The following NVL variants were observed in gnomAD, a reference collection of about 807,000 sequenced individuals.
NVL encodes nuclear VCP like, also known as nuclear valosin-containing protein-like.
A neutral mutation model predicts 110.2 loss-of-function variants in NVL; 84 were observed. The observed-to-expected ratio is 0.76, with a 90% CI of 0.64 to 0.91. NVL has a LOEUF of 0.91. NVL is among the 40% of genes least tolerant of loss of function. The pLI, the probability that NVL is intolerant of heterozygous loss-of-function variation, is 0.00. For missense variants in NVL, 882 were observed against 1,035.9 expected, an observed-to-expected ratio of 0.85 and a Z score of 2.04; for synonymous variants, 354 against 361.1, an observed-to-expected ratio of 0.98 and a Z score of 0.22.
chr1:224,307,958 T>C, intron 6 of NVL, 33 bp downstream of exon 6: 1 of 1,508,668 alleles, frequency 6.6e-7, no homozygotes, highest in Non-Finnish European at 8.8e-7. Flanking sequence ...TGTACTTCGA[T>C]GATATGGGGC....
intron 17 of NVL, among the ~76,000 whole-genome samples, chr1:224,273,046 AAAAAACAAACAAAC>A (rs1571906825): frequency 7.2e-6 from 1 of 138,794 alleles, no homozygotes; most frequent in South Asian, 2.2e-4. Flanking sequence ...AAAAAAACAA[AAAAAACAAACAAAC>A]AAAAAAAAAC....
rs1212215529 is a variant in NVL at position 224,289,687 on chromosome 1, C to A, written c.1372G>T (p.Asp458Tyr). The A allele has an allele frequency of 2.5e-6, 4 of 1,614,042 alleles. No homozygotes were observed. In the African/African-American group the frequency reaches 4.0e-5, roughly 16 times the overall value. The change falls in exon 13 of 23, where the codon GAT becomes TAT. Residue 458 changes from aspartate (D) to tyrosine (Y), a missense_variant. By Grantham distance (160) the Asp-to-Tyr change is radical. Around this residue, in one of 4 missense-constraint regions of NVL, gnomAD observed 416 missense variants for 499.3 expected, o/e 0.83. Coordinates refer to ENST00000281701, the MANE Select transcript of NVL (RefSeq NM_002533.4). ...CRKLRLPQAF[D>Y]FCHLAHLTPG... ...GTTAGGTGTGCTAAGTGACAGAAAT[C>A]AAAAGCTTGAGGAAGCCTCAGTTTT...
At position 224,255,392 on chromosome 1, in the gene NVL, C is replaced by T. The variant is rs139732182; in HGVS notation, c.2183-5074G>A. 2.7e-3 allele frequency among the ~76,000 whole-genome samples: 407 copies of T among 151,758 alleles called. 10 individuals are homozygous for T. Among genetic ancestry groups the T allele is most frequent in the Admixed American group, 0.021 (322 of 15,210 alleles). On this transcript the variant is annotated intron_variant, in intron 18 of 22. Coordinates refer to ENST00000281701, the MANE Select transcript of NVL (RefSeq NM_002533.4). ...TATTTTTAGTAGAGACGGAGTTTCA[C>T]CATGTTAGCCAGGTTGGTCTCGATC...
intron 10 of NVL, among the ~76,000 whole-genome samples, chr1:224,297,035 G>A (rs184369379): frequency 5.9e-5 from 9 of 152,012 alleles, no homozygotes; most frequent in Admixed American, 2.0e-4. Flanking sequence ...ACGTTATGAG[G>A]GTTTCTACTA....
chr1:224,322,879 G>A (rs1422370846), intron 2 of NVL, among the ~76,000 whole-genome samples: 1 of 152,068 alleles, frequency 6.6e-6, no homozygotes, highest in Non-Finnish European at 1.5e-5. Flanking sequence ...GCTTGAACCA[G>A]GGAGGCAGAG....
In NVL at chr1:224,264,538, G is replaced by C. The variant is rs557544012; in HGVS notation, c.2182+3496C>G. 2.8e-3 allele frequency among the ~76,000 whole-genome samples: 426 copies of C among 152,260 alleles called. 3 individuals carry two copies. The highest frequency in any genetic ancestry group is 9.5e-3 in the African/African-American group (393 of 41,552). ...TTACAGGTGTGAGTCACTGCATCCA[G>C]CCACAAATGGTGATTTTAAAGCACT... On this transcript the variant is annotated intron_variant, in intron 18 of 22. Coordinates refer to ENST00000281701, the MANE Select transcript of NVL (RefSeq NM_002533.4).
rs1010929637 is a variant in NVL at position 224,330,076 on chromosome 1, T to C, written c.52A>G (p.Ile18Val). 19 of 1,614,110 alleles carry C rather than the reference T, an allele frequency of 1.2e-5. No individual in the cohort carries two copies. Among genetic ancestry groups the C allele is most frequent in the Non-Finnish European group, 1.4e-5 (17 of 1,180,002 alleles). The change falls in exon 1 of 23, where the codon ATC becomes GTC. Residue 18 changes from isoleucine (I) to valine (V), a missense_variant. Coordinates refer to ENST00000281701, the MANE Select transcript of NVL (RefSeq NM_002533.4). ...FVDNKLKQRV[I>V]QYLTSNKCGK... ...AAGCGGTGCAGAATACACACCTGGA[T>C]GACTCGCTGCTTGAGTTTATTATCC...
chr1:224,246,806 T>C (rs773576424), intron 19 of NVL, among the ~76,000 whole-genome samples: 39 of 151,622 alleles, frequency 2.6e-4, no homozygotes, highest in Non-Finnish European at 5.0e-4. Flanking sequence ...GAGGCCGTGG[T>C]GGGCGGATCA....
intron 22 of NVL, among the ~76,000 whole-genome samples, chr1:224,229,916 C>A (rs376574731): frequency 3.9e-4 from 59 of 152,234 alleles, no homozygotes; most frequent in African/African-American, 1.4e-3. Flanking sequence ...AGTGTAGCCT[C>A]AACCTCCTGG....
chr1:224,283,207 GC>G (rs1176364415), intron 15 of NVL, among the ~76,000 whole-genome samples: 9 of 152,304 alleles, frequency 5.9e-5, no homozygotes, highest in South Asian at 2.1e-4. Context: ...TCTGACTAAG[GC>G]CGGGCACGGT....
intron 16 of NVL, among the ~76,000 whole-genome samples, chr1:224,279,606 C>T (rs1270870032): frequency 1.3e-5 from 2 of 152,150 alleles, no homozygotes; most frequent in African/African-American, 4.8e-5. Context: ...GTACCCATCA[C>T]TGACCTTCAA....
chr1:224,275,483 A>T (rs768914750), intron 16 of NVL, 25 bp from the exon 17 acceptor site: 1 of 1,613,874 alleles, frequency 6.2e-7, no homozygotes, highest in South Asian at 1.1e-5. Context: ...AAAGGAAATA[A>T]AATACCAACA....
At chr1:224,235,777 A>T (rs10799549) in intron 20 of NVL, among the ~76,000 whole-genome samples, 144,986 of 151,274 alleles carry the variant, frequency 0.96, 69,750 homozygotes, top group East Asian at 1. Context: ...AAAATTTTTT[A>T]AAAAAATTAG....
chr1:224,324,054 G>C (rs2102796898), intron 2 of NVL, among the ~76,000 whole-genome samples: 1 of 152,212 alleles, frequency 6.6e-6, no homozygotes, highest in African/African-American at 2.4e-5. Flanking sequence ...ATAAGTAAGA[G>C]TATACTTACA....
chr1:224,259,157 C>T (rs1031406937), intron 18 of NVL, among the ~76,000 whole-genome samples: 7 of 151,526 alleles, frequency 4.6e-5, no homozygotes, highest in African/African-American at 1.5e-4. Context: ...GGCACAATCT[C>T]GGCTCACTGC....
intron 5 of NVL, among the ~76,000 whole-genome samples, chr1:224,310,178 C>CAA (rs1230097656): frequency 3.1e-4 from 12 of 39,082 alleles, no homozygotes; most frequent in East Asian, 7.0e-4. Flanking sequence ...GACTCCCTCG[C>CAA]AAAAAAAAAA....
intron 15 of NVL, among the ~76,000 whole-genome samples, chr1:224,282,831 G>A (rs967096815): frequency 2.2e-4 from 33 of 152,132 alleles, no homozygotes; most frequent in African/African-American, 6.5e-4. Context: ...TACTTAGTAT[G>A]TGCAGGTGCC....
intron 4 of NVL, among the ~76,000 whole-genome samples, chr1:224,312,307 A>C (rs148987877): frequency 2.0e-5 from 3 of 152,342 alleles, no homozygotes; most frequent in Admixed American, 2.0e-4. Context: ...TAACAAATTC[A>C]CAAAGTCAAC....
chr1:224,285,875 C>T, intron 15 of NVL, 151 bp downstream of exon 15: 1 of 567,838 alleles, frequency 1.8e-6, no homozygotes, highest in East Asian at 2.9e-5. Flanking sequence ...AAGTAGGAAA[C>T]TTTAATGAAG....
Sources: gnomAD v4.1 joint callset for allele counts (sites outside exome capture counted in the v4.1 genomes callset) on GRCh38, gnomAD v4.1.1 for gene constraint, gnomAD v4.1.1 regional missense constraint, MANE v1.5 for transcripts, NCBI Gene and HGNC (gene_info 2026-07-23, HGNC 2026-07-21) for gene names.